The following TMEM131 variants were observed in gnomAD, a reference collection of about 807,000 sequenced individuals.
TMEM131 encodes 2610524E03Rik.
TMEM131 carries 66 observed loss-of-function variants against 211.6 expected under a neutral mutation model. The observed-to-expected ratio is 0.31, with a 90% CI of 0.26 to 0.38. The LOEUF is 0.38. TMEM131 is among the 10% of genes least tolerant of loss of function. The pLI, the probability that TMEM131 is intolerant of heterozygous loss-of-function variation, is 1.00. For synonymous variants in TMEM131, 844 were observed against 841.3 expected, an observed-to-expected ratio of 1.00 and a Z score of -0.06; for missense variants, 2,036 against 2,299.3, an observed-to-expected ratio of 0.89 and a Z score of 2.34.
intron 3 of TMEM131, among the ~76,000 whole-genome samples, chr2:97,889,588 T>C (rs1433848425): frequency 2.0e-5 from 3 of 148,714 alleles, no homozygotes; most frequent in Non-Finnish European, 3.0e-5. Flanking sequence ...ATTCCTATAA[T>C]GTAATATATA....
Position 97,911,101 on chromosome 2 carries a change from C to T in TMEM131, c.250-2403G>A, listed in dbSNP as rs145475031. Among the ~76,000 whole-genome samples, 12 of 152,214 alleles carry T rather than the reference C, an allele frequency of 7.9e-5. No individual in the cohort carries two copies. The East Asian group carries it at 1.5e-3, about 20-fold the overall frequency. ...TGTGTTATATCCGTACAATGGAATA[C>T]GACTCAGCAATAAAAAGAATAAGCT... On this transcript the variant is annotated intron_variant, in intron 2 of 40. Transcript: ENST00000186436.
At chr2:97,797,099 T>A in intron 26 of TMEM131, 113 bp from the exon 27 acceptor site, 1 of 1,162,528 alleles carries the variant, frequency 8.6e-7, no homozygotes, top group Non-Finnish European at 1.2e-6. Flanking sequence ...AATTTAATGG[T>A]GAGAATTTAT....
chr2:97,760,199 C>T, intron 38 of TMEM131: 2 of 278,854 alleles, frequency 7.2e-6, no homozygotes, highest in South Asian at 4.7e-5. Context: ...AAGAAAGAGG[C>T]GTGGCCAGTG....
In TMEM131 at chr2:97,762,160, G is replaced by A. The variant is rs372335137; in HGVS notation, c.4764C>T (p.Asn1588=). ...GGCGTTGTTTTAAGAAAATGTCTGC[G>A]TTGAGGGTTTGCAGAGAAAGTTTAT... ...SLYKLSLQTL[N]ADIFLKQRQT... Residue 1588 remains asparagine (N), a synonymous_variant, in exon 36 of 41, where the codon AAC becomes AAT. Coordinates refer to ENST00000186436, the MANE Select transcript of TMEM131 (RefSeq NM_015348.2). 2.4e-5 allele frequency: 38 copies of A among 1,613,896 alleles called. No individual in the cohort carries two copies. The highest frequency in any genetic ancestry group is 3.0e-5 in the Non-Finnish European group (35 of 1,179,890).
chr2:97,769,073 C>A (rs1468004073), intron 33 of TMEM131, among the ~76,000 whole-genome samples: 1 of 150,196 alleles, frequency 6.7e-6, no homozygotes, highest in Non-Finnish European at 1.5e-5. Flanking sequence ...AACTCCTGGG[C>A]TCTATGCAGT....
intron 1 of TMEM131, among the ~76,000 whole-genome samples, chr2:97,960,612 C>T (rs948370424): frequency 2.0e-5 from 3 of 152,012 alleles, no homozygotes; most frequent in African/African-American, 4.8e-5. Context: ...GATGCTAAAA[C>T]GGCTTAAAAG....
intron 11 of TMEM131, among the ~76,000 whole-genome samples, chr2:97,825,076 C>T (rs758655462): frequency 4.6e-5 from 7 of 152,190 alleles, no homozygotes; most frequent in Non-Finnish European, 8.8e-5. Context: ...TTCTCTTTGT[C>T]TTTGAGGATC....
At chr2:97,884,885 G>A (rs1675077349) in intron 4 of TMEM131, among the ~76,000 whole-genome samples, 1 of 152,174 alleles carries the variant, frequency 6.6e-6, no homozygotes, top group South Asian at 2.1e-4. Context: ...CTTTTAGATG[G>A]GGGAACTGAA....
At chr2:97,875,137 A>G (rs1674640841) in intron 4 of TMEM131, among the ~76,000 whole-genome samples, 1 of 152,236 alleles carries the variant, frequency 6.6e-6, no homozygotes, top group Non-Finnish European at 1.5e-5. Flanking sequence ...ATATAATGGT[A>G]AAGGGATCAA....
chr2:97,990,629 T>C (rs909715279), intron 1 of TMEM131, among the ~76,000 whole-genome samples: 1 of 152,206 alleles, frequency 6.6e-6, no homozygotes. Context: ...TTTAGATAAG[T>C]GTATACAACT....
intron 40 of TMEM131, 115 bp from the exon 41 acceptor site, chr2:97,757,498 TTACTTTAGAACA>T: frequency 8.3e-7 from 1 of 1,204,758 alleles, no homozygotes; most frequent in East Asian, 2.4e-5. Context: ...CTTACTTTGT[TTACTTTAGAACA>T]AATGTTATAT....
intron 32 of TMEM131, among the ~76,000 whole-genome samples, chr2:97,775,159 T>C (rs891098397): frequency 6.6e-6 from 1 of 152,156 alleles, no homozygotes; most frequent in Non-Finnish European, 1.5e-5. Context: ...CACCCCATAC[T>C]ACTCACAGCA....
At chr2:97,759,468 T>A (rs1678699713) in intron 39 of TMEM131, 184 bp downstream of exon 39, 3 of 592,350 alleles carry the variant, frequency 5.1e-6, no homozygotes, top group Non-Finnish European at 9.0e-6. Flanking sequence ...CCTGGTCCAC[T>A]GCCCCTCTGG....
chr2:97,796,980 G>GTTA lies in TMEM131; in HGVS notation c.2874_2876dup (p.Asn959dup). On this transcript the variant is annotated inframe_insertion, in exon 27 of 41. Coordinates refer to ENST00000186436, the MANE Select transcript of TMEM131 (RefSeq NM_015348.2). Reference sequence around the variant, plus strand: ...CCATCACAGCATCCATCACAGTCAGGTTATTTCTATGCAAGAATGAGAATT... The same window carrying GTTA: ...CCATCACAGCATCCATCACAGTCAGGTTATTATTTCTATGCAAGAATGAGAATT... 1 of 1,609,374 alleles carries GTTA rather than the reference G, an allele frequency of 6.2e-7. No homozygotes were observed. The highest frequency in any genetic ancestry group is 8.5e-7 in the Non-Finnish European group (1 of 1,178,528).
At position 97,795,717 on chromosome 2, in the gene TMEM131, T is replaced by C. The variant is rs140879544; in HGVS notation, c.3200+501A>G. Among the ~76,000 whole-genome samples, 8 of 152,336 alleles carry C rather than the reference T, an allele frequency of 5.3e-5. No individual in the cohort carries two copies. The East Asian group carries it at 7.7e-4, about 15-fold the overall frequency. ...ATTAAGGGACAGAAGTTGCATTTTA[T>C]TGCATAAACTTTATAACAGAACAAG... On this transcript the variant is annotated intron_variant, in intron 28 of 40. Transcript: ENST00000186436.
intron 31 of TMEM131, among the ~76,000 whole-genome samples, chr2:97,785,570 A>C (rs1680210264): frequency 6.6e-6 from 1 of 152,234 alleles, no homozygotes; most frequent in Non-Finnish European, 1.5e-5. Flanking sequence ...GCTGGTGGGA[A>C]TGTAATACAG....
chr2:97,990,036 C>A (rs1024597156), intron 1 of TMEM131, among the ~76,000 whole-genome samples: 1 of 152,150 alleles, frequency 6.6e-6, no homozygotes, highest in Non-Finnish European at 1.5e-5. Flanking sequence ...TAGTCCAGGG[C>A]CAGCTTCTGA....
At chr2:97,982,414 T>C (rs1459811715) in intron 1 of TMEM131, among the ~76,000 whole-genome samples, 2 of 152,244 alleles carry the variant, frequency 1.3e-5, no homozygotes, top group Non-Finnish European at 2.9e-5. Flanking sequence ...TAGATACATA[T>C]CCCTTTATCA....
chr2:97,778,066 TA>T (rs1679819063), intron 31 of TMEM131, among the ~76,000 whole-genome samples: 1 of 152,200 alleles, frequency 6.6e-6, no homozygotes. Context: ...CACCTGCAAT[TA>T]TACAATTTTA....
Sources: allele counts gnomAD v4.1 joint callset (sites outside exome capture counted in the v4.1 genomes callset), GRCh38; gene constraint gnomAD v4.1.1; transcripts MANE v1.5; gene names NCBI Gene and HGNC (gene_info 2026-07-23, HGNC 2026-07-21).